The following CCDC157 variants were observed in gnomAD, a reference collection of about 807,000 sequenced individuals.
The protein encoded by CCDC157 is coiled-coil domain-containing protein 157.
CCDC157 carries 60 observed loss-of-function variants against 70.9 expected under a neutral mutation model. The ratio of observed to expected loss-of-function variants is 0.85; its 90% CI spans 0.69 to 1.05. CCDC157 has a LOEUF of 1.05. Ranked by LOEUF, CCDC157 falls within the 50% of genes least tolerant of loss-of-function variation. The probability of loss-of-function intolerance (pLI) is 0.00; values close to 1 mark genes in which losing one functional copy is unlikely to be tolerated. For synonymous variants in CCDC157, 373 were observed against 422.4 expected (o/e 0.88, Z 1.43); for missense variants, 943 against 984.2 (o/e 0.96, Z 0.56).
chr22:30,366,602 G>C, intron 3 of CCDC157: 1 of 330,078 alleles, frequency 3.0e-6, no homozygotes, highest in South Asian at 3.8e-5. Flanking sequence ...TTGCTTCTCA[G>C]AGTTTCCATT....
intron 4 of CCDC157, chr22:30,370,031 C>A: frequency 1.9e-6 from 1 of 522,718 alleles, no homozygotes. Context: ...TAAGCAAGAG[C>A]CCAGTAACCA....
chr22:30,363,045 C>T (rs1220402032), intron 2 of CCDC157, among the ~76,000 whole-genome samples: 3 of 152,262 alleles, frequency 2.0e-5, no homozygotes, highest in African/African-American at 4.8e-5. Flanking sequence ...GGACAAGGGG[C>T]CCCTGCTGGC....
intron 10 of CCDC157, 178 bp downstream of exon 10, chr22:30,375,841 T>C (rs1301408262): frequency 1.6e-6 from 1 of 618,758 alleles, no homozygotes; most frequent in Non-Finnish European, 2.8e-6. Flanking sequence ...ATGGATCCGA[T>C]GCCTTCCAGT....
Position 30,377,860 on chromosome 22 carries a change from G to A in CCDC157, c.*1115G>A. The A allele has an allele frequency of 2.9e-6, 1 of 342,014 alleles. No homozygotes were observed. Among genetic ancestry groups the A allele is most frequent in the South Asian group, 2.2e-5 (1 of 44,598 alleles). 21.2% of individuals were successfully genotyped at this position (342,014 alleles called of 1,614,324 possible). ...CAGGCGCCCACCAACTCCGTGCCAT[G>A]TATTCATTAGCTCCCAGTTCTGGCA... On this transcript the variant is annotated 3_prime_UTR_variant, in exon 12 of 12. Transcript: ENST00000338306.
chr22:30,376,495 G>A lies in CCDC157; in HGVS notation c.2009G>A (p.Cys670Tyr). The change falls in exon 12 of 12, where the codon TGC becomes TAC. Residue 670 changes from cysteine to tyrosine, a missense_variant. Cys to Tyr is a radical substitution (Grantham distance 194). Transcript: ENST00000338306. Reference sequence around the variant, plus strand: ...GGTAGGACCCTGCTGGGCCAGCCCTGCACATCCCCACCTCGGCAGCCCTGC... The same window carrying A: ...GGTAGGACCCTGCTGGGCCAGCCCTACACATCCCCACCTCGGCAGCCCTGC... ...RTGRTLLGQPCTSPPRQPCTS... is the reference protein window; with the variant it reads ...RTGRTLLGQPYTSPPRQPCTS... 1 of 1,607,726 alleles carries A rather than the reference G, an allele frequency of 6.2e-7. No homozygotes were observed. The highest frequency in any genetic ancestry group is 8.5e-7 in the Non-Finnish European group (1 of 1,179,006).
chr22:30,366,728 C>G (rs140785924), intron 3 of CCDC157: 50 of 203,748 alleles, frequency 2.5e-4, no homozygotes, highest in Non-Finnish European at 2.8e-4. Flanking sequence ...CTTGCTGATT[C>G]TCCTGCAGCC....
intron 10 of CCDC157, chr22:30,375,936 C>T: frequency 1.8e-6 from 1 of 543,160 alleles, no homozygotes; most frequent in Admixed American, 3.7e-5. Flanking sequence ...GCCTGTAATC[C>T]CAACAATTTG....
intron 7 of CCDC157, chr22:30,372,714 G>A (rs1036412183): frequency 2.3e-5 from 4 of 171,996 alleles, no homozygotes; most frequent in South Asian, 2.7e-4. Context: ...GCCAGGGCCC[G>A]GGGCATAGCT....
intron 4 of CCDC157, 71 bp from the exon 5 acceptor site, chr22:30,370,255 C>G: frequency 6.5e-7 from 1 of 1,528,532 alleles, no homozygotes; most frequent in Non-Finnish European, 9.0e-7. Context: ...CAGAACATCC[C>G]CCAGGGAACC....
chr22:30,374,479 C>T (rs1933197124), intron 9 of CCDC157: 1 of 470,024 alleles, frequency 2.1e-6, no homozygotes, highest in Non-Finnish European at 4.2e-6. Flanking sequence ...GTCCCAAGGA[C>T]ACAGCCTCCA....
chr22:30,373,169 C>T lies in CCDC157; in HGVS notation c.1336-428C>T, dbSNP rs770544096. The T allele has an allele frequency of 2.1e-5, 4 of 194,650 alleles. No homozygotes were observed. The South Asian group carries it at 2.4e-4, about 12-fold the overall frequency. 12.1% of individuals were successfully genotyped at this position (194,650 alleles called of 1,614,324 possible). A position where few individuals can be genotyped will look rare whatever the true frequency, so the allele number is the denominator to read the frequency against. On this transcript the variant is annotated intron_variant, in intron 7 of 11. Coordinates refer to ENST00000338306, the MANE Select transcript of CCDC157 (RefSeq NM_001017437.5). ...GGAGCCAGGACTCCGAGCAGTCCAG[C>T]GTTAGTTCTTCCTGCTTTCCATTCA...
chr22:30,374,251 C>CTTGCGTGCTGTGGT, intron 9 of CCDC157, 160 bp downstream of exon 9: 5 of 795,982 alleles, frequency 6.3e-6, no homozygotes, highest in South Asian at 1.7e-5. Context: ...CACCACAGCA[C>CTTGCGTGCTGTGGT]GCAAGTGCTT....
chr22:30,356,928 A>C, upstream of CCDC157: 1 of 693,232 alleles, frequency 1.4e-6, no homozygotes, highest in South Asian at 5.2e-5. Context: ...CGAAGGTACG[A>C]CTGGCGCACT....
chr22:30,366,387 C>A (rs1932741721), intron 3 of CCDC157, 139 bp downstream of exon 3: 5 of 982,716 alleles, frequency 5.1e-6, no homozygotes, highest in Non-Finnish European at 7.7e-6. Flanking sequence ...GGGGCCACAT[C>A]AGCTCAGGAC....
Position 30,366,006 on chromosome 22 carries a change from G to A in CCDC157, c.6G>A (p.Ala2=), listed in dbSNP as rs61732271. Residue 2 remains alanine, a synonymous_variant, in exon 3 of 12, where the codon GCG becomes GCA. Coordinates refer to ENST00000338306, the MANE Select transcript of CCDC157 (RefSeq NM_001017437.5). Reference sequence around the variant, plus strand: ...TCACCCCAGGATCTGTGAGGATGGCGCACCTGCTGGGCAGCCAGGCCTGCA... The same window carrying A: ...TCACCCCAGGATCTGTGAGGATGGCACACCTGCTGGGCAGCCAGGCCTGCA... M[A]HLLGSQACME... is the part of the protein sequence containing the mutation. 5,337 of 1,592,676 alleles carry A rather than the reference G, an allele frequency of 3.4e-3. 149 individuals carry two copies. In the African/African-American group the frequency reaches 0.061, roughly 18 times the overall value.
Position 30,373,716 on chromosome 22 carries a change from G to T in CCDC157, c.1455G>T (p.Gln485His). The T allele has an allele frequency of 1.9e-6, 3 of 1,553,434 alleles. No individual in the cohort carries two copies. In the South Asian group the frequency reaches 3.6e-5, roughly 18 times the overall value. The change falls in exon 8 of 12, where the codon CAG (glutamine) becomes CAT (histidine). Residue 485 changes from glutamine to histidine, a missense_variant. By Grantham distance (24) the Gln-to-His change is conservative. Coordinates refer to ENST00000338306, the MANE Select transcript of CCDC157 (RefSeq NM_001017437.5). ...CCCAGCGGGCCCGCGTGGAGGAGCA[G>T]CTGCAGAGCGAGCGGGAGCAGGGGC... ...AEAQRARVEE[Q>H]LQSEREQGQC... is the part of the protein sequence containing the mutation.
In CCDC157 at chr22:30,376,493, C is replaced by G. The variant is rs1383763747; in HGVS notation, c.2007C>G (p.Pro669=). 1.9e-6 allele frequency: 3 copies of G among 1,607,688 alleles called. No homozygotes were observed. The highest frequency in any genetic ancestry group is 2.5e-6 in the Non-Finnish European group (3 of 1,179,020). ...SRTGRTLLGQ[P]CTSPPRQPCT... The stretch of plus-strand genomic sequence containing the variant: ...CGGGTAGGACCCTGCTGGGCCAGCC[C>G]TGCACATCCCCACCTCGGCAGCCCT... Residue 669 remains proline (P), a synonymous_variant, in exon 12 of 12, where the codon CCC becomes CCG. Transcript: ENST00000338306.
chr22:30,360,758 C>T (rs1245417905), intron 1 of CCDC157, among the ~76,000 whole-genome samples: 1 of 151,430 alleles, frequency 6.6e-6, no homozygotes, highest in Non-Finnish European at 1.5e-5. Flanking sequence ...CTACTAAATA[C>T]AAAAATTGGC....
intron 3 of CCDC157, 140 bp downstream of exon 3, chr22:30,366,388 A>G: frequency 1.0e-6 from 1 of 984,468 alleles, no homozygotes; most frequent in East Asian, 2.6e-5. Flanking sequence ...GGGCCACATC[A>G]GCTCAGGACT....
Sources: gnomAD v4.1 joint callset for allele counts (sites outside exome capture counted in the v4.1 genomes callset) on GRCh38, gnomAD v4.1.1 for gene constraint, MANE v1.5 for transcripts, NCBI Gene and HGNC (gene_info 2026-07-23, HGNC 2026-07-21) for gene names.